Variants in RUFY3 observed in about 807,000 individuals in gnomAD.
RUFY3 encodes the protein protein RUFY3.
RUFY3 carries 34 observed loss-of-function variants against 84.0 expected under a neutral mutation model. The observed-to-expected ratio is 0.40, with a 90% CI of 0.31 to 0.54. RUFY3 has a LOEUF of 0.54. Ranked by LOEUF, RUFY3 falls within the 20% of genes least tolerant of loss-of-function variation. RUFY3 has a pLI of 0.39. For synonymous variants in RUFY3, 242 were observed against 252.9 expected, an observed-to-expected ratio of 0.96 and a Z score of 0.41; for missense variants, 507 against 736.8, an observed-to-expected ratio of 0.69 and a Z score of 3.61.
At chr4:70,797,593 C>G (rs999238913) in intron 14 of RUFY3, among the ~76,000 whole-genome samples, 1 of 151,998 alleles carries the variant, frequency 6.6e-6, no homozygotes, top group African/African-American at 2.4e-5. Flanking sequence ...ACCTGTAATC[C>G]CAGCACTTTG....
chr4:70,707,083 C>G (rs1229109301), intron 1 of RUFY3, among the ~76,000 whole-genome samples: 2 of 152,098 alleles, frequency 1.3e-5, no homozygotes, highest in East Asian at 3.8e-4. Context: ...GACTGGACTC[C>G]CTCATTGTTA....
At position 70,784,798 on chromosome 4, in the gene RUFY3, T is replaced by A; in HGVS notation, c.990T>A (p.Gly330=). 1 of 1,596,548 alleles carries A rather than the reference T, an allele frequency of 6.3e-7. No individual in the cohort carries two copies. Among genetic ancestry groups the A allele is most frequent in the Non-Finnish European group, 8.5e-7 (1 of 1,172,948 alleles). ...ACAATGTTATTTATCTTTTCAAGGG[T>A]CCCAAGCAAGACAGAACTGCAGAAG... ...SSYILESNRK[G]PKQDRTAEGQ... The change falls in exon 10 of 18, where the codon GGT becomes GGA. Residue 330 remains glycine, a splice_region_variant and synonymous_variant. Transcript: ENST00000381006.
chr4:70,784,157 T>G (rs1221844932), intron 9 of RUFY3, among the ~76,000 whole-genome samples: 1 of 152,218 alleles, frequency 6.6e-6, no homozygotes, highest in Non-Finnish European at 1.5e-5. Flanking sequence ...CAGTTGCGAA[T>G]TCTCTGGAGA....
At chr4:70,740,659 A>G (rs1235481399) in intron 1 of RUFY3, among the ~76,000 whole-genome samples, 1 of 152,222 alleles carries the variant, frequency 6.6e-6, no homozygotes, top group Non-Finnish European at 1.5e-5. Context: ...ATCCTACATA[A>G]TATAGATTTG....
intron 1 of RUFY3, among the ~76,000 whole-genome samples, chr4:70,735,169 A>C (rs969153351): frequency 6.6e-6 from 1 of 152,200 alleles, no homozygotes; most frequent in African/African-American, 2.4e-5. Context: ...GTCTGAGAAC[A>C]TCCACCATAT....
At chr4:70,806,269 G>A (rs146521744) in intron 17 of RUFY3, among the ~76,000 whole-genome samples, 5 of 152,324 alleles carry the variant, frequency 3.3e-5, no homozygotes, top group African/African-American at 1.2e-4. Flanking sequence ...CTAAAGATAA[G>A]TGACTTGTAT....
chr4:70,712,795 A>G (rs1203218588), intron 1 of RUFY3, among the ~76,000 whole-genome samples: 2 of 152,234 alleles, frequency 1.3e-5, no homozygotes, highest in African/African-American at 2.4e-5. Flanking sequence ...TCATTGCACA[A>G]TAGGCAACCT....
chr4:70,802,949 A>G lies in RUFY3; in HGVS notation c.1623-7A>G, dbSNP rs751606658. On this transcript the variant is annotated splice_polypyrimidine_tract_variant and splice_region_variant and intron_variant, in intron 15 of 17. Transcript: ENST00000381006. Reference sequence around the variant, plus strand: ...ATTTGTCACAATTTTTTACTTCTCCATTGTAGGCTGCAACCCCACCCTATG... The same window carrying G: ...ATTTGTCACAATTTTTTACTTCTCCGTTGTAGGCTGCAACCCCACCCTATG... 49 of 1,601,064 alleles carry G rather than the reference A, an allele frequency of 3.1e-5. No individual in the cohort carries two copies. The highest frequency in any genetic ancestry group is 4.1e-5 in the Non-Finnish European group (48 of 1,172,416).
intron 1 of RUFY3, among the ~76,000 whole-genome samples, chr4:70,731,318 G>A (rs999740009): frequency 5.3e-5 from 8 of 152,124 alleles, no homozygotes; most frequent in African/African-American, 9.7e-5. Flanking sequence ...GATTACAGGC[G>A]TGAGCCACCA....
chr4:70,795,465 C>T (rs1336170286), intron 14 of RUFY3, among the ~76,000 whole-genome samples: 1 of 152,144 alleles, frequency 6.6e-6, no homozygotes, highest in African/African-American at 2.4e-5. Context: ...CCCTCCAGCA[C>T]CTCCAGTGAT....
At chr4:70,748,204 T>C (rs1722542947) in intron 1 of RUFY3, among the ~76,000 whole-genome samples, 1 of 152,182 alleles carries the variant, frequency 6.6e-6, no homozygotes, top group African/African-American at 2.4e-5. Flanking sequence ...GCTTCCTCCA[T>C]TAATATCCAA....
intron 1 of RUFY3, among the ~76,000 whole-genome samples, chr4:70,736,220 T>C (rs1030344434): frequency 2.6e-5 from 4 of 151,724 alleles, no homozygotes; most frequent in Non-Finnish European, 5.9e-5. Flanking sequence ...TGTACAGATA[T>C]TTTTAATGAA....
At chr4:70,765,206 T>A (rs1385705651) in intron 4 of RUFY3, among the ~76,000 whole-genome samples, 28 of 125,990 alleles carry the variant, frequency 2.2e-4, no homozygotes, top group South Asian at 1.9e-3. Context: ...AAAAAAAAAA[T>A]GTGTATATAT....
chr4:70,800,792 G>C (rs1732129812), intron 15 of RUFY3, among the ~76,000 whole-genome samples: 1 of 152,174 alleles, frequency 6.6e-6, no homozygotes, highest in Admixed American at 6.5e-5. Context: ...CGAGGCAGGA[G>C]AATCACTTGA....
intron 1 of RUFY3, 61 bp downstream of exon 1, chr4:70,722,812 T>G: frequency 8.5e-6 from 13 of 1,528,812 alleles, no homozygotes; most frequent in Non-Finnish European, 1.2e-5. Context: ...GGGGGAGGGC[T>G]GGGAGGATCA....
rs1732923859 is a variant in RUFY3 at position 70,807,073 on chromosome 4, G to A, written c.*414G>A. On this transcript the variant is annotated 3_prime_UTR_variant, in exon 18 of 18. Transcript: ENST00000381006. ...TTCAAGGGGGAGAGGTAGATGCTGAGATCAAAATGACAGTTGTTACTTATT... is the reference window on the plus strand; with the variant it reads ...TTCAAGGGGGAGAGGTAGATGCTGAAATCAAAATGACAGTTGTTACTTATT... 1 of 153,534 alleles carries A rather than the reference G, an allele frequency of 6.5e-6. No homozygotes were observed. The highest frequency in any genetic ancestry group is 1.4e-5 in the Non-Finnish European group (1 of 69,016). 9.5% of individuals were successfully genotyped at this position (153,534 alleles called of 1,614,324 possible). A position where few individuals can be genotyped will look rare whatever the true frequency, so the allele number is the denominator to read the frequency against.
chr4:70,737,300 C>A (rs1037143144), intron 1 of RUFY3, among the ~76,000 whole-genome samples: 1 of 151,962 alleles, frequency 6.6e-6, no homozygotes. Context: ...GTTAATTGTG[C>A]AATGAGAAAC....
chr4:70,712,990 T>G (rs981208810), intron 1 of RUFY3, among the ~76,000 whole-genome samples: 5 of 152,146 alleles, frequency 3.3e-5, no homozygotes, highest in Admixed American at 1.3e-4. Flanking sequence ...ATTAAAAAAT[T>G]GGTTTGAAAT....
chr4:70,714,880 C>T (rs904626219), intron 1 of RUFY3, among the ~76,000 whole-genome samples: 9 of 152,162 alleles, frequency 5.9e-5, no homozygotes, highest in African/African-American at 1.9e-4. Context: ...TTATTGCCTA[C>T]AGCCACTGAG....
Sources: allele counts gnomAD v4.1 joint callset (sites outside exome capture counted in the v4.1 genomes callset), GRCh38; gene constraint gnomAD v4.1.1; transcripts MANE v1.5; gene names NCBI Gene and HGNC (gene_info 2026-07-23, HGNC 2026-07-21).